Variants in XPO4 observed in about 807,000 individuals in gnomAD.
XPO4 encodes exportin-4.
A neutral mutation model predicts 143.0 loss-of-function variants in XPO4; 39 were observed. The observed-to-expected ratio is 0.27, with a 90% CI of 0.21 to 0.36. The LOEUF is 0.36. XPO4 is among the 10% of genes least tolerant of loss of function. The pLI, the probability that XPO4 is intolerant of heterozygous loss-of-function variation, is 1.00. For missense variants in XPO4, 907 were observed against 1,348.0 expected (o/e 0.67, Z 5.12); for synonymous variants, 439 against 474.0 (o/e 0.93, Z 0.96).
intron 6 of XPO4, among the ~76,000 whole-genome samples, chr13:20,836,188 T>C (rs1205406583): frequency 1.3e-5 from 2 of 152,200 alleles, no homozygotes; most frequent in Admixed American, 1.3e-4. Flanking sequence ...CTTCACTCTA[T>C]ACTTCATCAA....
intron 1 of XPO4, among the ~76,000 whole-genome samples, chr13:20,900,340 T>C (rs1049746358): frequency 6.6e-6 from 1 of 151,576 alleles, no homozygotes; most frequent in Non-Finnish European, 1.5e-5. Context: ...GCCAAGATCG[T>C]GCCACTGCAC....
At chr13:20,859,790 A>C in intron 3 of XPO4, 11 of 910,092 alleles carry the variant, frequency 1.2e-5, no homozygotes, top group Non-Finnish European at 1.4e-5. Flanking sequence ...AAAATTAAAA[A>C]AAAAAAAAGA....
intron 9 of XPO4, among the ~76,000 whole-genome samples, chr13:20,817,927 C>G (rs1445198750): frequency 6.6e-6 from 1 of 151,760 alleles, no homozygotes; most frequent in African/African-American, 2.4e-5. Flanking sequence ...TCCTCAGTAG[C>G]TGGGATTACA....
chr13:20,891,589 G>A (rs965332655), intron 1 of XPO4, among the ~76,000 whole-genome samples: 11 of 152,174 alleles, frequency 7.2e-5, no homozygotes, highest in South Asian at 2.1e-4. Flanking sequence ...TGGGCCAGCC[G>A]TGGTGGCTCA....
chr13:20,898,960 G>A (rs558333426), intron 1 of XPO4, among the ~76,000 whole-genome samples: 2 of 152,118 alleles, frequency 1.3e-5, no homozygotes, highest in East Asian at 1.9e-4. Context: ...AGTATCACTT[G>A]AGCTCAAGAC....
intron 1 of XPO4, among the ~76,000 whole-genome samples, chr13:20,887,654 A>C (rs2060473276): frequency 6.6e-6 from 1 of 152,086 alleles, no homozygotes; most frequent in African/African-American, 2.4e-5. Flanking sequence ...CAGGAGTTTG[A>C]GACCAGCCTG....
At chr13:20,891,739 T>C (rs1195439771) in intron 1 of XPO4, among the ~76,000 whole-genome samples, 2 of 151,830 alleles carry the variant, frequency 1.3e-5, no homozygotes, top group Admixed American at 1.3e-4. Flanking sequence ...AGCGTATGCC[T>C]GTAGTCCCAG....
chr13:20,833,998 T>C (rs1350484410), intron 6 of XPO4, among the ~76,000 whole-genome samples: 1 of 152,056 alleles, frequency 6.6e-6, no homozygotes, highest in African/African-American at 2.4e-5. Flanking sequence ...TAAAACAGAA[T>C]GAGAAGCAAG....
chr13:20,865,133 T>G (rs2138127951), intron 2 of XPO4, among the ~76,000 whole-genome samples: 1 of 135,754 alleles, frequency 7.4e-6, no homozygotes, highest in Non-Finnish European at 1.5e-5. Flanking sequence ...TCACAATTCA[T>G]CTAGCATTTT....
At chr13:20,857,473 A>C (rs966428068) in intron 3 of XPO4, among the ~76,000 whole-genome samples, 2 of 152,178 alleles carry the variant, frequency 1.3e-5, no homozygotes, top group African/African-American at 4.8e-5. Context: ...CACGCCTGTA[A>C]TCCCAGCACT....
chr13:20,782,371 T>C lies in XPO4; in HGVS notation c.*1351A>G, dbSNP rs1403016840. ...TTTCATATGCCTGCTGTGTATAAAT[T>C]AGCTTTCATTTCCACATTGTAAGCT... On this transcript the variant is annotated 3_prime_UTR_variant, in exon 23 of 23. Transcript: ENST00000255305. 2.0e-5 allele frequency: 3 copies of C among 152,330 alleles called. No homozygotes were observed. Among genetic ancestry groups the C allele is most frequent in the Non-Finnish European group, 4.4e-5 (3 of 68,044 alleles). 9.4% of individuals were successfully genotyped at this position (152,330 alleles called of 1,614,324 possible).
chr13:20,866,237 T>A, intron 2 of XPO4: 1 of 984,852 alleles, frequency 1.0e-6, no homozygotes, highest in Non-Finnish European at 1.2e-6. Context: ...CATGCACAGA[T>A]ACACCACACA....
chr13:20,846,555 T>C (rs999024651), intron 4 of XPO4, among the ~76,000 whole-genome samples: 4 of 152,186 alleles, frequency 2.6e-5, no homozygotes, highest in African/African-American at 4.8e-5. Context: ...TCTTAATCGA[T>C]GAGAATTTAG....
In XPO4 at chr13:20,807,590, GTAT is replaced by G; in HGVS notation, c.1681_1683del (p.Ile561del). ...ATGGAATATTCCATTATTTCTGGAGGTATTAGCGGAGTCTCTCCCTGAGTATCA... is the reference window on the plus strand; with the variant it reads ...ATGGAATATTCCATTATTTCTGGAGGTAGCGGAGTCTCTCCCTGAGTATCA... On this transcript the variant is annotated inframe_deletion, in exon 13 of 23. Coordinates refer to ENST00000255305, the MANE Select transcript of XPO4 (RefSeq NM_022459.5). 1 of 1,611,314 alleles carries G rather than the reference GTAT, an allele frequency of 6.2e-7. No homozygotes were observed. Among genetic ancestry groups the G allele is most frequent in the Non-Finnish European group, 8.5e-7 (1 of 1,179,328 alleles).
At chr13:20,888,351 G>A (rs2060480152) in intron 1 of XPO4, among the ~76,000 whole-genome samples, 3 of 151,886 alleles carry the variant, frequency 2.0e-5, no homozygotes. Context: ...ACCTGGTGGG[G>A]GTTTTGTTTT....
chr13:20,801,162 T>A (rs1175054940), intron 13 of XPO4, among the ~76,000 whole-genome samples, 172 bp from the exon 14 acceptor site: 3 of 152,198 alleles, frequency 2.0e-5, no homozygotes, highest in African/African-American at 7.2e-5. Flanking sequence ...TTATTTCTGA[T>A]CTTTCACGAA....
intron 1 of XPO4, among the ~76,000 whole-genome samples, chr13:20,876,093 CAAAAAAAAAAAAA>C (rs11301411): frequency 1.1e-5 from 1 of 90,740 alleles, no homozygotes. Context: ...CTACTAAATA[CAAAAAAAAAAAAA>C]AAAAAAAAAT....
At chr13:20,842,752 G>T in intron 6 of XPO4, 143 bp downstream of exon 6, 2 of 757,212 alleles carry the variant, frequency 2.6e-6, no homozygotes, top group Non-Finnish European at 2.0e-6. Context: ...GCATTATAAA[G>T]AAATTAAATT....
intron 9 of XPO4, among the ~76,000 whole-genome samples, chr13:20,815,620 T>C (rs933040425): frequency 2.0e-5 from 3 of 152,172 alleles, no homozygotes; most frequent in Non-Finnish European, 4.4e-5. Context: ...TTCAATGAAA[T>C]TGGAAAGCTT....
Sources: allele counts gnomAD v4.1 joint callset (sites outside exome capture counted in the v4.1 genomes callset), GRCh38; gene constraint gnomAD v4.1.1; transcripts MANE v1.5; gene names NCBI Gene and HGNC (gene_info 2026-07-23, HGNC 2026-07-21).